Variants in OXSR1 observed in about 807,000 individuals in gnomAD.
OXSR1 encodes the protein oxidative stress responsive kinase 1.
Under a neutral mutation model 79.8 loss-of-function variants are expected in OXSR1, and 24 were observed. The ratio of observed to expected loss-of-function variants is 0.30; its 90% CI spans 0.22 to 0.42. OXSR1 has a LOEUF of 0.42. Among genes scored for constraint, OXSR1 ranks in the 10% least tolerant of loss-of-function variants. The pLI is 1.00. For synonymous variants in OXSR1, 226 were observed against 209.2 expected, an observed-to-expected ratio of 1.08 and a Z score of -0.69; for missense variants, 430 against 618.4, an observed-to-expected ratio of 0.70 and a Z score of 3.23.
At chr3:38,214,963 T>C (rs1259238286) in intron 4 of OXSR1, among the ~76,000 whole-genome samples, 1 of 152,210 alleles carries the variant, frequency 6.6e-6, no homozygotes, top group African/African-American at 2.4e-5. Context: ...CAGGCCTTGC[T>C]TTTCTTTCTT....
At chr3:38,221,036 G>A in intron 5 of OXSR1, among the ~76,000 whole-genome samples, 1 of 152,242 alleles carries the variant, frequency 6.6e-6, no homozygotes, top group East Asian at 1.9e-4. Context: ...TTAGAATTAC[G>A]AACTCTGATT....
intron 1 of OXSR1, among the ~76,000 whole-genome samples, chr3:38,178,426 T>G (rs971866242): frequency 3.3e-5 from 5 of 151,954 alleles, no homozygotes; most frequent in African/African-American, 1.2e-4. Context: ...TAGTTATATG[T>G]GTAAATCATA....
chr3:38,220,839 A>G (rs1702574497), intron 5 of OXSR1, among the ~76,000 whole-genome samples: 1 of 152,182 alleles, frequency 6.6e-6, no homozygotes, highest in Admixed American at 6.5e-5. Context: ...GTACAGATAC[A>G]CAACCAGGGC....
chr3:38,180,522 C>G (rs1377921076), intron 1 of OXSR1, among the ~76,000 whole-genome samples: 1 of 148,614 alleles, frequency 6.7e-6, no homozygotes, highest in Non-Finnish European at 1.5e-5. Flanking sequence ...TGTATAGCTC[C>G]AACTTTTTTT....
chr3:38,243,429 A>G (rs868808179), intron 12 of OXSR1, among the ~76,000 whole-genome samples: 3 of 152,178 alleles, frequency 2.0e-5, no homozygotes, highest in Admixed American at 2.0e-4. Context: ...CTCTTGTGAA[A>G]TAAATTCTAT....
intron 6 of OXSR1, among the ~76,000 whole-genome samples, chr3:38,222,082 C>T (rs978614374): frequency 3.9e-5 from 6 of 152,122 alleles, no homozygotes; most frequent in Admixed American, 1.3e-4. Flanking sequence ...CAGTATGCTG[C>T]GAACCGAATT....
At chr3:38,213,315 A>G (rs539884459) in intron 4 of OXSR1, among the ~76,000 whole-genome samples, 1 of 152,266 alleles carries the variant, frequency 6.6e-6, no homozygotes, top group South Asian at 2.1e-4. Context: ...CCTGACACCA[A>G]TCTAACCATG....
At chr3:38,221,522 A>C (rs895480981) in intron 5 of OXSR1, 56 bp from the exon 6 acceptor site, 2 of 903,334 alleles carry the variant, frequency 2.2e-6, no homozygotes, top group East Asian at 2.4e-5. Context: ...TTGTTTTCCT[A>C]TTCATTTATG....
chr3:38,219,987 TG>T (rs1702557308), intron 5 of OXSR1, among the ~76,000 whole-genome samples: 1 of 152,098 alleles, frequency 6.6e-6, no homozygotes, highest in Non-Finnish European at 1.5e-5. Flanking sequence ...TTCTATTTTT[TG>T]TACAGATGGG....
chr3:38,196,246 ACTT>A (rs780092688), intron 3 of OXSR1, among the ~76,000 whole-genome samples: 1 of 152,184 alleles, frequency 6.6e-6, no homozygotes, highest in Non-Finnish European at 1.5e-5. Context: ...GTGATAATCT[ACTT>A]CTTCCTTTTG....
At chr3:38,223,616 AT>A (rs763326949) in intron 6 of OXSR1, among the ~76,000 whole-genome samples, 195 bp from the exon 7 acceptor site, 347 of 139,308 alleles carry the variant, frequency 2.5e-3, no homozygotes, top group Middle Eastern at 3.6e-3. Flanking sequence ...CTAATTTTGT[AT>A]TTTTTTTTTT....
At chr3:38,203,568 T>C (rs1359538274) in intron 4 of OXSR1, among the ~76,000 whole-genome samples, 1 of 152,170 alleles carries the variant, frequency 6.6e-6, no homozygotes, top group Non-Finnish European at 1.5e-5. Context: ...AGACTAGTCT[T>C]GGACTCTTAT....
At chr3:38,184,888 G>GTAGAAAGA in intron 2 of OXSR1, among the ~76,000 whole-genome samples, 1 of 68,598 alleles carries the variant, frequency 1.5e-5, no homozygotes, top group South Asian at 5.9e-4. Flanking sequence ...TAGTTCAAAA[G>GTAGAAAGA]TAGAAAGAAC....
chr3:38,229,756 A>G, intron 9 of OXSR1, 21 bp downstream of exon 9: 1 of 1,587,728 alleles, frequency 6.3e-7, no homozygotes, highest in East Asian at 2.2e-5. Flanking sequence ...CCAGCTTTTG[A>G]TTATGTGTGT....
intron 6 of OXSR1, among the ~76,000 whole-genome samples, chr3:38,222,562 A>G (rs1181544152): frequency 6.6e-6 from 1 of 152,160 alleles, no homozygotes; most frequent in African/African-American, 2.4e-5. Context: ...AGCACATACT[A>G]TTGATCCTTA....
At chr3:38,237,675 T>C (rs1702946279) in intron 11 of OXSR1, among the ~76,000 whole-genome samples, 1 of 152,208 alleles carries the variant, frequency 6.6e-6, no homozygotes, top group Non-Finnish European at 1.5e-5. Flanking sequence ...CTTGTTTATC[T>C]AATGAGGTAT....
intron 2 of OXSR1, among the ~76,000 whole-genome samples, chr3:38,186,966 A>G (rs1701897065): frequency 1.3e-5 from 2 of 152,162 alleles, no homozygotes; most frequent in Non-Finnish European, 2.9e-5. Flanking sequence ...ATCCTCACCA[A>G]TACTTGTTAT....
At chr3:38,225,785 G>A (rs994714837) in intron 8 of OXSR1, among the ~76,000 whole-genome samples, 1 of 152,146 alleles carries the variant, frequency 6.6e-6, no homozygotes, top group African/African-American at 2.4e-5. Flanking sequence ...GCTGTTTTCA[G>A]TGGGTCACTA....
At chr3:38,192,837 C>G (rs974833002) in intron 3 of OXSR1, among the ~76,000 whole-genome samples, 46 of 152,268 alleles carry the variant, frequency 3.0e-4, no homozygotes, top group African/African-American at 1.1e-3. Flanking sequence ...TATCACTGTG[C>G]TGGTTGGTTT....
Sources: allele counts gnomAD v4.1 joint callset (sites outside exome capture counted in the v4.1 genomes callset), GRCh38; gene constraint gnomAD v4.1.1; transcripts MANE v1.5; gene names NCBI Gene and HGNC (gene_info 2026-07-23, HGNC 2026-07-21).